ACOT12: variants seen among roughly 807,000 people sequenced by gnomAD.
ACOT12 encodes the protein acetyl-coenzyme A thioesterase.
In ACOT12, 51 loss-of-function variants were observed where a neutral mutation model predicts 67.7. The ratio of observed to expected loss-of-function variants is 0.75; its 90% CI spans 0.60 to 0.95. The LOEUF (loss-of-function observed/expected upper bound fraction) is 0.95. ACOT12 is among the 40% of genes least tolerant of loss of function. ACOT12 has a pLI of 0.00. For missense variants in ACOT12, 734 were observed against 708.1 expected (o/e 1.04, Z -0.41); for synonymous variants, 251 against 244.6 (o/e 1.03, Z -0.24).
rs753132154 is a variant in ACOT12, at chr5:81,332,646, C to A, written c.1263-41G>T. ...AGTGAAAAGCAGGTATACTTTCTAC[C>A]TGCTCAGGCATTCACTTCCCTTATT... On this transcript the variant is annotated intron_variant, in intron 12 of 14. Coordinates refer to ENST00000307624, the MANE Select transcript of ACOT12 (RefSeq NM_130767.3). 2.5e-6 allele frequency: 4 copies of A among 1,610,474 alleles called. No homozygotes were observed. In the South Asian group the frequency reaches 4.4e-5, roughly 18 times the overall value.
chr5:81,312,680 A>C, the ACOT12 span: 3 of 1,547,220 alleles, frequency 1.9e-6, no homozygotes, highest in Non-Finnish European at 2.7e-6. Context: ...TAGCACTATC[A>C]TGAGTTACTA....
the ACOT12 span, among the ~76,000 whole-genome samples, chr5:81,316,868 T>C: frequency 0.012 from 1,834 of 152,316 alleles, 42 homozygotes; most frequent in African/African-American, 0.041. Flanking sequence ...TGCAGAAAAG[T>C]CCATTCAAAT....
intron 2 of ACOT12, among the ~76,000 whole-genome samples, chr5:81,383,297 T>G (rs1043618028): frequency 7.2e-5 from 11 of 152,068 alleles, no homozygotes; most frequent in Non-Finnish European, 1.5e-4. Context: ...GACAATCGCT[T>G]GAACCTGGGT....
At chr5:81,314,618 T>C in the ACOT12 span, among the ~76,000 whole-genome samples, 1 of 152,150 alleles carries the variant, frequency 6.6e-6, no homozygotes, top group Non-Finnish European at 1.5e-5. Flanking sequence ...GGCAAACAAT[T>C]TATTCATTCA....
At chr5:81,354,439 C>T (rs1285099369) in intron 5 of ACOT12, among the ~76,000 whole-genome samples, 1 of 152,176 alleles carries the variant, frequency 6.6e-6, no homozygotes, top group Non-Finnish European at 1.5e-5. Context: ...ACTTGCACAA[C>T]ACCAGAAGAA....
Position 81,330,333 on chromosome 5 carries a change from G to T in ACOT12, c.*61C>A. On this transcript the variant is annotated 3_prime_UTR_variant, in exon 15 of 15. Transcript: ENST00000307624. ...GGCCCCAAAGCTTGACAGATGTCAG[G>T]GCTAAGGGTGCTTGGAATTAAAAGT... 1.3e-6 allele frequency: 2 copies of T among 1,568,542 alleles called. No individual in the cohort carries two copies. The highest frequency in any genetic ancestry group is 1.8e-5 in the Admixed American group (1 of 56,828).
chr5:81,339,600 C>G (rs1459332848), intron 11 of ACOT12, among the ~76,000 whole-genome samples: 1 of 152,186 alleles, frequency 6.6e-6, no homozygotes, highest in African/African-American at 2.4e-5. Flanking sequence ...AAAGTTCTCC[C>G]TATATAACTG....
Position 81,330,450 on chromosome 5 carries a change from A to G in ACOT12, c.1612T>C (p.Ser538Pro), listed in dbSNP as rs1211338680. The change falls in exon 15 of 15, where the codon TCT (serine) becomes CCT (proline). Residue 538 changes from serine to proline, a missense_variant. Ser to Pro is a moderately conservative substitution (Grantham distance 74, BLOSUM62 -1). Coordinates refer to ENST00000307624, the MANE Select transcript of ACOT12 (RefSeq NM_130767.3). ...GGATTCTCTAAGAACTGTATACAAGAGGCTGCTGTTTCTTCAATGGATTTT... is the reference window on the plus strand; with the variant it reads ...GGATTCTCTAAGAACTGTATACAAGGGGCTGCTGTTTCTTCAATGGATTTT... ...WSKSIEETAASCIQFLENPPD... is the reference protein window; with the variant it reads ...WSKSIEETAAPCIQFLENPPD... 2 of 1,614,042 alleles carry G rather than the reference A, an allele frequency of 1.2e-6. No homozygotes were observed. Among genetic ancestry groups the G allele is most frequent in the Non-Finnish European group, 1.7e-6 (2 of 1,180,006 alleles).
At chr5:81,381,611 T>C (rs1760587205) in intron 2 of ACOT12, among the ~76,000 whole-genome samples, 1 of 151,964 alleles carries the variant, frequency 6.6e-6, no homozygotes, top group African/African-American at 2.4e-5. Flanking sequence ...AATATTTCTT[T>C]ACATTAAAAA....
intron 5 of ACOT12, among the ~76,000 whole-genome samples, chr5:81,357,965 C>T (rs1759772108): frequency 7.0e-6 from 1 of 143,222 alleles, no homozygotes; most frequent in Admixed American, 7.2e-5. Context: ...GAGATTGCGC[C>T]ACTGCACTCC....
chr5:81,345,212 C>A (rs1287460782), intron 7 of ACOT12, among the ~76,000 whole-genome samples, 171 bp from the exon 8 acceptor site: 1 of 152,118 alleles, frequency 6.6e-6, no homozygotes, highest in African/African-American at 2.4e-5. Flanking sequence ...CTATTAAAAT[C>A]CATTTTCAGG....
At chr5:81,351,319 A>G (rs1759546576) in intron 5 of ACOT12, among the ~76,000 whole-genome samples, 1 of 152,216 alleles carries the variant, frequency 6.6e-6, no homozygotes, top group Non-Finnish European at 1.5e-5. Context: ...TTTTTTGTTT[A>G]AAATAAATTA....
At chr5:81,369,316 G>A (rs1459088223) in intron 3 of ACOT12, among the ~76,000 whole-genome samples, 1 of 152,202 alleles carries the variant, frequency 6.6e-6, no homozygotes, top group East Asian at 1.9e-4. Flanking sequence ...GCACAGAGCA[G>A]AGTTCCTGCT....
chr5:81,340,094 G>A (rs1759142786), intron 11 of ACOT12, among the ~76,000 whole-genome samples: 1 of 151,684 alleles, frequency 6.6e-6, no homozygotes, highest in Admixed American at 6.6e-5. Context: ...CTGGAGTGCA[G>A]CTGCACAATC....
rs760769255 is a variant in ACOT12, at chr5:81,346,004, G to C, written c.654C>G (p.Ser218Arg). Residue 218 changes from serine (S) to arginine (R), a missense_variant and splice_region_variant, in exon 7 of 15, where the codon AGC becomes AGG. Ser to Arg is a moderately radical substitution (Grantham distance 110). Transcript: ENST00000307624. ...WMETVATISA[S>R]RLCWAHPFLK... The stretch of plus-strand genomic sequence containing the variant: ...GAAAGGGATGAGCCCAACACAGGCG[G>C]CTGGGGAGACAAAGGGAGGGAGAGA... 18 of 1,613,376 alleles carry C rather than the reference G, an allele frequency of 1.1e-5. No homozygotes were observed. In the South Asian group the frequency reaches 2.0e-4, roughly 18 times the overall value.
the ACOT12 span, chr5:81,308,757 A>G: frequency 6.3e-7 from 1 of 1,578,446 alleles, no homozygotes; most frequent in Non-Finnish European, 8.6e-7. Context: ...GGGAAAGCCA[A>G]TAAATAGCAC....
rs1300742534 is a variant in ACOT12 at position 81,391,008 on chromosome 5, G to A, written c.127+2980C>T. 2.0e-5 allele frequency among the ~76,000 whole-genome samples: 3 copies of A among 152,288 alleles called. No individual in the cohort carries two copies. In the East Asian group the frequency reaches 5.8e-4, roughly 29 times the overall value. On this transcript the variant is annotated intron_variant, in intron 1 of 14. Coordinates refer to ENST00000307624, the MANE Select transcript of ACOT12 (RefSeq NM_130767.3). ...TAGAAACTGTGTTTCTCTGAAAAGT[G>A]TTGGTTTTGTTTTTGGTTTTGTTTT...
chr5:81,315,758 A>G, the ACOT12 span, among the ~76,000 whole-genome samples: 2 of 152,314 alleles, frequency 1.3e-5, no homozygotes, highest in Middle Eastern at 3.4e-3. Flanking sequence ...AGGGACAGAA[A>G]GGAGTGTAGC....
intron 2 of ACOT12, among the ~76,000 whole-genome samples, chr5:81,379,933 T>C (rs1580590782): frequency 6.6e-6 from 1 of 152,274 alleles, no homozygotes; most frequent in Middle Eastern, 3.4e-3. Flanking sequence ...GATGAACCAG[T>C]TGGGTTTACC....
Sources: gnomAD v4.1 joint callset for allele counts (sites outside exome capture counted in the v4.1 genomes callset) on GRCh38, gnomAD v4.1.1 for gene constraint, MANE v1.5 for transcripts, NCBI Gene and HGNC (gene_info 2026-07-23, HGNC 2026-07-21) for gene names.